The following FAM171A1 variants were observed in gnomAD, a reference collection of about 807,000 sequenced individuals.
FAM171A1 encodes protein FAM171A1.
In FAM171A1, 23 loss-of-function variants were observed where a neutral mutation model predicts 74.9. That is an observed-to-expected ratio of 0.31 (90% confidence interval 0.22 to 0.44). The LOEUF is 0.44. Ranked by LOEUF, FAM171A1 falls within the 20% of genes least tolerant of loss-of-function variation. FAM171A1 has a pLI of 1.00. For missense variants in FAM171A1, 1,162 were observed against 1,159.2 expected (o/e 1.00, Z -0.03); for synonymous variants, 527 against 505.7 (o/e 1.04, Z -0.57).
intron 1 of FAM171A1, among the ~76,000 whole-genome samples, chr10:15,327,719 T>C (rs1319748104): frequency 6.6e-6 from 1 of 151,910 alleles, no homozygotes; most frequent in Non-Finnish European, 1.5e-5. Flanking sequence ...AAGCTAAACA[T>C]TGAGAACACA....
chr10:15,329,718 C>T (rs1229075883), intron 1 of FAM171A1, among the ~76,000 whole-genome samples: 1 of 151,650 alleles, frequency 6.6e-6, no homozygotes. Flanking sequence ...ACATATGGCC[C>T]TAAGAAGCTA....
At chr10:15,284,163 CTCTGG>C in intron 1 of FAM171A1, 58 bp from the exon 2 acceptor site, 1 of 1,472,878 alleles carries the variant, frequency 6.8e-7, no homozygotes, top group Non-Finnish European at 9.4e-7. Flanking sequence ...TTCATAGCAA[CTCTGG>C]TATGACTGTG....
chr10:15,331,590 T>C (rs35719532), intron 1 of FAM171A1, among the ~76,000 whole-genome samples: 10,983 of 151,818 alleles, frequency 0.072, 507 homozygotes, highest in Middle Eastern at 0.11. Context: ...CATTAAAACT[T>C]AGCTCTAGAA....
chr10:15,251,785 C>T (rs1472450886), intron 4 of FAM171A1, among the ~76,000 whole-genome samples: 1 of 152,142 alleles, frequency 6.6e-6, no homozygotes, highest in Non-Finnish European at 1.5e-5. Flanking sequence ...CAATTTTACA[C>T]AAAATACTGA....
chr10:15,264,134 A>G lies in FAM171A1; in HGVS notation c.419-9255T>C, dbSNP rs114109695. Among the ~76,000 whole-genome samples the G allele has an allele frequency of 8.0e-3, 1,207 of 151,748 alleles. 15 individuals carry two copies. Among genetic ancestry groups the G allele is most frequent in the African/African-American group, 0.028 (1,143 of 41,322 alleles). On this transcript the variant is annotated intron_variant, in intron 3 of 7. Transcript: ENST00000378116. ...GCTGGGACTGTAGGCACACAACACC[A>G]CACCTGGCTAATTTTTAAATATTTT...
At chr10:15,317,940 G>A (rs1308986445) in intron 1 of FAM171A1, among the ~76,000 whole-genome samples, 2 of 152,206 alleles carry the variant, frequency 1.3e-5, no homozygotes, top group Admixed American at 6.5e-5. Flanking sequence ...ACAGGCATGT[G>A]CTACCACACC....
chr10:15,279,153 A>C (rs1447167375), intron 2 of FAM171A1, among the ~76,000 whole-genome samples: 2 of 152,162 alleles, frequency 1.3e-5, no homozygotes, highest in Non-Finnish European at 2.9e-5. Context: ...TCATCCCCTG[A>C]GAGGTGTGTG....
intron 1 of FAM171A1, among the ~76,000 whole-genome samples, chr10:15,361,748 T>C (rs1418840756): frequency 1.3e-5 from 2 of 152,302 alleles, no homozygotes; most frequent in Admixed American, 6.5e-5. Flanking sequence ...TTAATAAAAG[T>C]GTTCAGTGCT....
At chr10:15,327,785 C>T (rs1315263004) in intron 1 of FAM171A1, among the ~76,000 whole-genome samples, 1 of 151,994 alleles carries the variant, frequency 6.6e-6, no homozygotes, top group Non-Finnish European at 1.5e-5. Flanking sequence ...TGCAGGTTGG[C>T]AGGAAGGAGA....
intron 1 of FAM171A1, among the ~76,000 whole-genome samples, chr10:15,360,004 G>A (rs958522301): frequency 2.0e-5 from 3 of 152,144 alleles, no homozygotes; most frequent in Admixed American, 6.5e-5. Context: ...ATGTGATCAC[G>A]GCTCACTGCA....
At chr10:15,219,815 C>T (rs529261203) in intron 6 of FAM171A1, among the ~76,000 whole-genome samples, 11 of 152,260 alleles carry the variant, frequency 7.2e-5, no homozygotes, top group South Asian at 6.2e-4. Context: ...CTCCTGACCT[C>T]GTGATCCGCC....
chr10:15,300,294 C>T (rs1222868796), intron 1 of FAM171A1, among the ~76,000 whole-genome samples: 1 of 152,184 alleles, frequency 6.6e-6, no homozygotes, highest in Non-Finnish European at 1.5e-5. Flanking sequence ...ACAGAATGCA[C>T]ATTTCACGAC....
chr10:15,300,090 G>C (rs931734146), intron 1 of FAM171A1, among the ~76,000 whole-genome samples: 1 of 152,138 alleles, frequency 6.6e-6, no homozygotes, highest in Admixed American at 6.6e-5. Flanking sequence ...CAAGACAAAG[G>C]TCCCTGGAGC....
chr10:15,272,875 G>T (rs560121792), intron 3 of FAM171A1, among the ~76,000 whole-genome samples: 31 of 152,274 alleles, frequency 2.0e-4, no homozygotes, highest in African/African-American at 7.0e-4. Flanking sequence ...CAGAATCTCT[G>T]GGACACATTT....
At chr10:15,362,243 C>T (rs1836003291) in intron 1 of FAM171A1, among the ~76,000 whole-genome samples, 1 of 152,204 alleles carries the variant, frequency 6.6e-6, no homozygotes, top group Non-Finnish European at 1.5e-5. Context: ...ATCACTAAAG[C>T]ACCAGTATTG....
At chr10:15,296,263 T>G (rs1271129303) in intron 1 of FAM171A1, among the ~76,000 whole-genome samples, 6 of 152,150 alleles carry the variant, frequency 3.9e-5, no homozygotes. Context: ...TACCCAAAAT[T>G]TAGCCAATCA....
upstream of FAM171A1, among the ~76,000 whole-genome samples, chr10:15,372,748 C>A (rs187191042): frequency 1.3e-4 from 19 of 148,858 alleles, 1 homozygote; most frequent in African/African-American, 4.4e-4. Flanking sequence ...AAAAAAACCA[C>A]ACACAAAACA....
chr10:15,222,292 A>T (rs1834048589), intron 5 of FAM171A1, among the ~76,000 whole-genome samples: 1 of 152,188 alleles, frequency 6.6e-6, no homozygotes, highest in African/African-American at 2.4e-5. Flanking sequence ...TACATTCTGA[A>T]AATGCATTGT....
intron 5 of FAM171A1, among the ~76,000 whole-genome samples, chr10:15,231,605 GGT>G (rs1399828299): frequency 6.6e-6 from 1 of 151,758 alleles, no homozygotes; most frequent in Admixed American, 6.6e-5. Flanking sequence ...CCCTTTTGTG[GGT>G]GTGGCAACTC....
Sources: gnomAD v4.1 joint callset for allele counts (sites outside exome capture counted in the v4.1 genomes callset) on GRCh38, gnomAD v4.1.1 for gene constraint, MANE v1.5 for transcripts, NCBI Gene and HGNC (gene_info 2026-07-23, HGNC 2026-07-21) for gene names.